Variants in BCR observed in about 807,000 individuals in gnomAD.
BCR encodes BCR activator of RhoGEF and GTPase.
BCR carries 58 observed loss-of-function variants against 138.6 expected under a neutral mutation model. That is an observed-to-expected ratio of 0.42 (90% confidence interval 0.34 to 0.52). BCR has a LOEUF of 0.52. BCR is among the 20% of genes least tolerant of loss of function. The pLI is 0.06. For synonymous variants in BCR, 786 were observed against 730.1 expected (o/e 1.08, Z -1.23); for missense variants, 1,599 against 1,727.2 (o/e 0.93, Z 1.32).
chr22:23,263,490 C>G, intron 4 of BCR: 1 of 1,555,698 alleles, frequency 6.4e-7, no homozygotes, highest in Non-Finnish European at 8.9e-7. Flanking sequence ...GCCCTGGATG[C>G]AGCTAGAGGA....
chr22:23,309,323 C>G (rs576211239), intron 16 of BCR, 101 bp from the exon 17 acceptor site: 6 of 1,029,208 alleles, frequency 5.8e-6, no homozygotes, highest in Non-Finnish European at 7.4e-6. Flanking sequence ...CGGGCTCTGC[C>G]TCTGACTAAG....
intron 4 of BCR, chr22:23,263,483 C>G (rs1288272275): frequency 2.6e-5 from 40 of 1,548,584 alleles, no homozygotes; most frequent in South Asian, 4.5e-5. Flanking sequence ...GTCAGATGCC[C>G]TGGATGCAGC....
At chr22:23,223,530 C>T (rs138599814) in intron 1 of BCR, among the ~76,000 whole-genome samples, 150 of 152,288 alleles carry the variant, frequency 9.8e-4, no homozygotes, top group African/African-American at 3.4e-3. Context: ...TGTGCACAGT[C>T]GCTCCCTTCT....
At chr22:23,206,596 A>G (rs1423269685) in intron 1 of BCR, among the ~76,000 whole-genome samples, 1 of 150,192 alleles carries the variant, frequency 6.7e-6, no homozygotes, top group Non-Finnish European at 1.5e-5. Context: ...AAAAAAAGTT[A>G]AGAAAATAGT....
At chr22:23,308,927 C>T (rs1045186742) in intron 16 of BCR, among the ~76,000 whole-genome samples, 5 of 152,148 alleles carry the variant, frequency 3.3e-5, no homozygotes, top group Non-Finnish European at 5.9e-5. Flanking sequence ...CTGGGTCCTT[C>T]TGGGCCTGAT....
intron 1 of BCR, among the ~76,000 whole-genome samples, chr22:23,224,697 C>T (rs1365090885): frequency 1.3e-5 from 2 of 152,186 alleles, no homozygotes; most frequent in African/African-American, 2.4e-5. Flanking sequence ...GCCTGGCCCA[C>T]ACAGTGAAAC....
chr22:23,223,486 C>T (rs1052327217), intron 1 of BCR, among the ~76,000 whole-genome samples: 1 of 152,178 alleles, frequency 6.6e-6, no homozygotes, highest in Admixed American at 6.5e-5. Context: ...TATGGTGCCT[C>T]TCAAGATGAA....
At chr22:23,309,211 G>C (rs2073981634) in intron 16 of BCR, among the ~76,000 whole-genome samples, 2 of 152,226 alleles carry the variant, frequency 1.3e-5, no homozygotes, top group African/African-American at 4.8e-5. Flanking sequence ...ACCCCAGGCA[G>C]CAGGGCTCTG....
At chr22:23,211,623 T>C (rs2072684135) in intron 1 of BCR, among the ~76,000 whole-genome samples, 1 of 152,120 alleles carries the variant, frequency 6.6e-6, no homozygotes, top group Admixed American at 6.5e-5. Flanking sequence ...CAGCTGGGAT[T>C]ACAGGCGCCC....
Position 23,181,224 on chromosome 22 carries a change from C to G in BCR, c.264C>G (p.Ser88=), listed in dbSNP as rs1601980278. The G allele has an allele frequency of 8.1e-7, 1 of 1,237,538 alleles. No individual in the cohort carries two copies. The highest frequency in any genetic ancestry group is 3.5e-5 in the East Asian group (1 of 28,840). 76.7% of individuals were successfully genotyped at this position (1,237,538 alleles called of 1,614,324 possible). The change falls in exon 1 of 23, where the codon TCC becomes TCG. Residue 88 remains serine (S), a synonymous_variant. Transcript: ENST00000305877. The part of the protein sequence containing the change: ...RRAAQAPDGA[S]EPRASASRPQ... ...CGGCGCAGGCCCCCGACGGCGCCTC[C>G]GAGCCCCGAGCGTCCGCGTCGCGCC...
chr22:23,310,705 C>T (rs1184791506), intron 18 of BCR, among the ~76,000 whole-genome samples: 3 of 152,214 alleles, frequency 2.0e-5, no homozygotes, highest in African/African-American at 7.2e-5. Flanking sequence ...TTATCACGGT[C>T]CCAGATTCCT....
At chr22:23,185,019 G>A (rs1377922329) in intron 1 of BCR, among the ~76,000 whole-genome samples, 1 of 152,128 alleles carries the variant, frequency 6.6e-6, no homozygotes, top group Admixed American at 6.5e-5. Flanking sequence ...TGAATGGACC[G>A]TCCCATTTCC....
In BCR at chr22:23,278,094, C is replaced by G. The variant is rs1362150707; in HGVS notation, c.2115+4320C>G. ...TAACTTCACAGTTAGATAACCAATC[C>G]CCACTGCTGGGTGACTTCCCACGTG... On this transcript the variant is annotated intron_variant, in intron 8 of 22. Transcript: ENST00000305877. Among the ~76,000 whole-genome samples, 5 of 152,192 alleles carry G rather than the reference C, an allele frequency of 3.3e-5. No homozygotes were observed. In the East Asian group the frequency reaches 9.6e-4, roughly 29 times the overall value.
chr22:23,236,794 G>C (rs1201732918), intron 1 of BCR, among the ~76,000 whole-genome samples: 1 of 152,238 alleles, frequency 6.6e-6, no homozygotes, highest in East Asian at 1.9e-4. Flanking sequence ...GCTGGGGTCT[G>C]TCTGTTAAGC....
At chr22:23,295,200 C>T in intron 16 of BCR, 45 bp downstream of exon 16, 1 of 1,402,830 alleles carries the variant, frequency 7.1e-7, no homozygotes, top group Non-Finnish European at 9.6e-7. Context: ...GCATGGCGTC[C>T]TTTTTCATGC....
At chr22:23,313,865 C>A in intron 20 of BCR, 103 bp from the exon 21 acceptor site, 1 of 926,974 alleles carries the variant, frequency 1.1e-6, no homozygotes, top group Non-Finnish European at 1.8e-6. Flanking sequence ...GATGACGAGC[C>A]TGGGCTGTGC....
At chr22:23,302,111 A>G (rs1023598934) in intron 16 of BCR, among the ~76,000 whole-genome samples, 1 of 151,530 alleles carries the variant, frequency 6.6e-6, no homozygotes, top group African/African-American at 2.4e-5. Context: ...TGGAGCCTCT[A>G]TCGTGCAAGA....
intron 16 of BCR, among the ~76,000 whole-genome samples, chr22:23,299,394 C>G (rs376855440): frequency 2.2e-4 from 34 of 152,262 alleles, no homozygotes; most frequent in African/African-American, 8.2e-4. Flanking sequence ...GACCCCCCTG[C>G]ACGGGTGAAT....
intron 1 of BCR, among the ~76,000 whole-genome samples, chr22:23,201,198 G>T (rs979026199): frequency 2.0e-5 from 3 of 152,214 alleles, no homozygotes; most frequent in African/African-American, 7.2e-5. Context: ...ACAGTTTCTG[G>T]GCACAGCAGA....
Sources: allele counts gnomAD v4.1 joint callset (sites outside exome capture counted in the v4.1 genomes callset), GRCh38; gene constraint gnomAD v4.1.1; transcripts MANE v1.5; gene names NCBI Gene and HGNC (gene_info 2026-07-23, HGNC 2026-07-21).